Variants in DPYD observed in about 807,000 individuals in gnomAD.
The protein encoded by DPYD is dihydropyrimidine dehydrogenase.
DPYD carries 109 observed loss-of-function variants against 116.2 expected under a neutral mutation model. The ratio of observed to expected loss-of-function variants is 0.94; its 90% CI spans 0.80 to 1.10. The LOEUF (loss-of-function observed/expected upper bound fraction) is 1.10, where lower values mean the gene tolerates loss of function less well. DPYD is among the 50% of genes least tolerant of loss of function. The pLI is 0.00. For synonymous variants in DPYD, 440 were observed against 432.0 expected (o/e 1.02, Z -0.23); for missense variants, 1,302 against 1,254.5 (o/e 1.04, Z -0.57).
chr1:97,857,150 T>C (rs1248040633), intron 2 of DPYD, among the ~76,000 whole-genome samples: 2 of 152,132 alleles, frequency 1.3e-5, no homozygotes, highest in African/African-American at 4.8e-5. Context: ...TCAGACCCCA[T>C]AGCCTGAAAA....
intron 20 of DPYD, among the ~76,000 whole-genome samples, chr1:97,181,004 C>A (rs1171035668): frequency 1.3e-5 from 2 of 152,044 alleles, no homozygotes; most frequent in African/African-American, 4.8e-5. Flanking sequence ...ACATTGCTGC[C>A]CAAATTCCTA....
intron 12 of DPYD, among the ~76,000 whole-genome samples, chr1:97,530,032 C>T (rs1012094651): frequency 2.6e-5 from 4 of 151,698 alleles, no homozygotes; most frequent in African/African-American, 4.8e-5. Flanking sequence ...TATTTCTATA[C>T]ATTTGACTAC....
At chr1:97,214,529 A>AAT (rs1244182716) in intron 19 of DPYD, among the ~76,000 whole-genome samples, 1 of 152,182 alleles carries the variant, frequency 6.6e-6, no homozygotes, top group African/African-American at 2.4e-5. Flanking sequence ...AGAAGAGAGT[A>AAT]ATATAGTGGA....
At chr1:97,492,433 C>G (rs1458222375) in intron 13 of DPYD, among the ~76,000 whole-genome samples, 2 of 152,040 alleles carry the variant, frequency 1.3e-5, no homozygotes, top group Non-Finnish European at 2.9e-5. Flanking sequence ...CACTCTACTC[C>G]CTATTCACAT....
chr1:97,163,535 T>A (rs1656082606), intron 20 of DPYD, among the ~76,000 whole-genome samples: 1 of 152,178 alleles, frequency 6.6e-6, no homozygotes, highest in Non-Finnish European at 1.5e-5. Context: ...AATGTTTTTG[T>A]CTCAGTTCTG....
chr1:97,463,631 C>T (rs1677142040), intron 13 of DPYD, among the ~76,000 whole-genome samples: 1 of 152,082 alleles, frequency 6.6e-6, no homozygotes, highest in Non-Finnish European at 1.5e-5. Flanking sequence ...GTTTGGAACT[C>T]CCTAGTGACT....
intron 16 of DPYD, among the ~76,000 whole-genome samples, chr1:97,343,341 ATGT>A (rs1382477644): frequency 6.6e-6 from 1 of 152,118 alleles, no homozygotes; most frequent in Admixed American, 6.6e-5. Flanking sequence ...CTGAAATTAC[ATGT>A]TGTTTATCTG....
intron 16 of DPYD, among the ~76,000 whole-genome samples, chr1:97,333,436 G>A (rs1206540326): frequency 6.6e-6 from 1 of 151,340 alleles, no homozygotes; most frequent in Non-Finnish European, 1.5e-5. Flanking sequence ...CTGACCTTGT[G>A]ATCCGCCCTT....
At chr1:97,141,335 T>C (rs1654206599) in intron 20 of DPYD, among the ~76,000 whole-genome samples, 1 of 152,058 alleles carries the variant, frequency 6.6e-6, no homozygotes, top group Non-Finnish European at 1.5e-5. Context: ...CTACCTTACT[T>C]ACCTCCCTGA....
chr1:97,700,176 T>C (rs755975081), intron 5 of DPYD: 2 of 454,534 alleles, frequency 4.4e-6, no homozygotes, highest in African/African-American at 2.0e-5. Context: ...CCTGAGGGAT[T>C]TGCGACTTCT....
intron 3 of DPYD, among the ~76,000 whole-genome samples, chr1:97,775,661 T>G (rs1245394199): frequency 2.6e-5 from 4 of 152,146 alleles, no homozygotes; most frequent in Non-Finnish European, 5.9e-5. Context: ...TCCCAACATA[T>G]TATATATATT....
At chr1:97,159,187 C>T (rs984775375) in intron 20 of DPYD, among the ~76,000 whole-genome samples, 2 of 151,872 alleles carry the variant, frequency 1.3e-5, no homozygotes, top group African/African-American at 2.4e-5. Flanking sequence ...AAGTAAAATA[C>T]TCTGATAATG....
chr1:97,549,463 A>G, intron 12 of DPYD, 97 bp downstream of exon 12: 15 of 1,325,208 alleles, frequency 1.1e-5, no homozygotes, highest in Non-Finnish European at 1.6e-5. Context: ...TGCTTATTAT[A>G]TACCAAATAG....
chr1:97,299,413 C>T (rs1666731592), intron 18 of DPYD, among the ~76,000 whole-genome samples: 1 of 152,050 alleles, frequency 6.6e-6, no homozygotes, highest in Non-Finnish European at 1.5e-5. Flanking sequence ...CTGGAACAGA[C>T]ATTAATTTAT....
chr1:97,751,429 C>A (rs1356953823), intron 3 of DPYD, among the ~76,000 whole-genome samples: 1 of 53,070 alleles, frequency 1.9e-5, no homozygotes, highest in Non-Finnish European at 3.3e-5. Context: ...TATATGTATA[C>A]GTGTGTGTGT....
In DPYD at chr1:97,203,672, C is replaced by G. The variant is rs1284540734; in HGVS notation, c.2443-10424G>C. On this transcript the variant is annotated intron_variant, in intron 19 of 22. Coordinates refer to ENST00000370192, the MANE Select transcript of DPYD (RefSeq NM_000110.4). ...AAAGGATGAGTTCAGACCCCCCCCC[C>G]CCAAAAAAAAAAAAAGAGAAAAAGT... Among the ~76,000 whole-genome samples, 17 of 57,950 alleles carry G rather than the reference C, an allele frequency of 2.9e-4. 3 individuals are homozygous for G. The highest frequency in any genetic ancestry group is 5.3e-4 in the Non-Finnish European group (15 of 28,352). 38.0% of individuals were successfully genotyped at this position (57,950 alleles called of 152,430 possible).
chr1:97,279,141 G>C (rs1665141390), intron 18 of DPYD, among the ~76,000 whole-genome samples: 1 of 152,096 alleles, frequency 6.6e-6, no homozygotes, highest in Admixed American at 6.6e-5. Context: ...GAATCTGTAA[G>C]ACATTAGATT....
intron 20 of DPYD, among the ~76,000 whole-genome samples, chr1:97,139,143 TC>T (rs777302347): frequency 5.3e-5 from 8 of 152,124 alleles, no homozygotes; most frequent in Non-Finnish European, 1.2e-4. Flanking sequence ...CTATAATAGC[TC>T]CAAATTAAGA....
chr1:97,793,206 A>T (rs1294957026), intron 3 of DPYD, among the ~76,000 whole-genome samples: 1 of 152,216 alleles, frequency 6.6e-6, no homozygotes, highest in Non-Finnish European at 1.5e-5. Flanking sequence ...GCTGAGAAAA[A>T]AATTTAAAGT....
Sources: gnomAD v4.1 joint callset for allele counts (sites outside exome capture counted in the v4.1 genomes callset) on GRCh38, gnomAD v4.1.1 for gene constraint, MANE v1.5 for transcripts, NCBI Gene and HGNC (gene_info 2026-07-23, HGNC 2026-07-21) for gene names.